The following STK32B variants were observed in gnomAD, a reference collection of about 807,000 sequenced individuals.
The protein encoded by STK32B is serine/threonine kinase 32B, also known as serine/threonine-protein kinase 32B.
Under a neutral mutation model 52.6 loss-of-function variants are expected in STK32B, and 43 were observed. That is an observed-to-expected ratio of 0.82 (90% CI 0.64 to 1.05). The LOEUF is 1.05. Among genes scored for constraint, STK32B ranks in the 50% least tolerant of loss-of-function variants. The probability of loss-of-function intolerance (pLI) is 0.00; values close to 1 mark genes in which losing one functional copy is unlikely to be tolerated. For synonymous variants in STK32B, 238 were observed against 204.3 expected, an observed-to-expected ratio of 1.17 and a Z score of -1.41; for missense variants, 621 against 534.6, an observed-to-expected ratio of 1.16 and a Z score of -1.59.
At chr4:5,102,428 C>T (rs111612022) in intron 1 of STK32B, among the ~76,000 whole-genome samples, 66 of 147,742 alleles carry the variant, frequency 4.5e-4, no homozygotes, top group African/African-American at 1.5e-3. Context: ...TCCTTCTTCT[C>T]CTTCCTTGCT....
At position 5,406,235 on chromosome 4, in the gene STK32B, G is replaced by C. The variant is rs372638053; in HGVS notation, c.472+7991G>C. ...TCCAGGCCACACTGATGCAAGGGGT[G>C]GGTTCCCAAGGCCTTGGGCATCTCT... On this transcript the variant is annotated intron_variant, in intron 5 of 11. Transcript: ENST00000282908. Among the ~76,000 whole-genome samples the C allele has an allele frequency of 3.9e-5, 6 of 152,314 alleles. No homozygotes were observed. The South Asian group carries it at 1.2e-3, about 32-fold the overall frequency.
the STK32B span, among the ~76,000 whole-genome samples, chr4:5,041,542 T>C: frequency 6.6e-6 from 1 of 152,114 alleles, no homozygotes; most frequent in Non-Finnish European, 1.5e-5. Flanking sequence ...TTCCCAACTA[T>C]GAAAATGCCT....
intron 1 of STK32B, among the ~76,000 whole-genome samples, chr4:5,071,064 A>G (rs970323508): frequency 2.6e-5 from 4 of 152,196 alleles, no homozygotes; most frequent in African/African-American, 9.6e-5. Context: ...TCCTGAGTGC[A>G]GAATGCTGTA....
chr4:5,328,640 G>C (rs1732026876), intron 3 of STK32B, among the ~76,000 whole-genome samples: 1 of 152,164 alleles, frequency 6.6e-6, no homozygotes, highest in Non-Finnish European at 1.5e-5. Flanking sequence ...ATTTATCATA[G>C]ATCACTATAG....
chr4:5,457,276 C>T (rs550765638), intron 8 of STK32B, among the ~76,000 whole-genome samples: 3 of 142,874 alleles, frequency 2.1e-5, no homozygotes, highest in Non-Finnish European at 3.0e-5. Context: ...AGTGCAGTGG[C>T]GCAGTCTCGA....
chr4:5,271,216 T>C (rs1359650774), intron 3 of STK32B, among the ~76,000 whole-genome samples: 3 of 152,150 alleles, frequency 2.0e-5, no homozygotes, highest in African/African-American at 7.2e-5. Flanking sequence ...GATTAACAGG[T>C]GTGAGTCACT....
intron 1 of STK32B, among the ~76,000 whole-genome samples, chr4:5,108,413 G>A (rs6833812): frequency 0.21 from 31,801 of 152,064 alleles, 3,325 homozygotes; most frequent in South Asian, 0.24. Flanking sequence ...CCCAGTCTTG[G>A]TTGGCGCTGT....
chr4:5,458,493 A>G (rs564808456), intron 8 of STK32B: 1 of 152,368 alleles, frequency 6.6e-6, no homozygotes, highest in East Asian at 1.9e-4. Context: ...TCATTCAACC[A>G]ATGCCACAGA....
intron 3 of STK32B, among the ~76,000 whole-genome samples, chr4:5,276,435 G>A (rs1436206117): frequency 6.6e-6 from 1 of 152,132 alleles, no homozygotes; most frequent in Middle Eastern, 3.2e-3. Flanking sequence ...CCATGGAAGG[G>A]TTTCATTCTA....
intron 1 of STK32B, among the ~76,000 whole-genome samples, chr4:5,094,153 C>A (rs184898390): frequency 1.8e-4 from 28 of 151,934 alleles, no homozygotes; most frequent in Non-Finnish European, 2.8e-4. Flanking sequence ...GAAGGCATAC[C>A]CATAGAGTGT....
rs979774019 is a variant in STK32B at position 5,460,482 on chromosome 4, G to A, written c.909+254G>A. On this transcript the variant is annotated intron_variant, in intron 9 of 11. Transcript: ENST00000282908. This position sits in a 1 kb window ranked among gnomAD's most constrained non-coding sequence, Gnocchi z 4.8. ...TCTCTGTCACTGAATCCCACCTCCAGGTGCTCAGGTCCAGGTGTGGGGATA... is the reference window on the plus strand; with the variant it reads ...TCTCTGTCACTGAATCCCACCTCCAAGTGCTCAGGTCCAGGTGTGGGGATA... Among the ~76,000 whole-genome samples the A allele has an allele frequency of 6.6e-6, 1 of 152,196 alleles. No individual in the cohort carries two copies. The highest frequency in any genetic ancestry group is 1.5e-5 in the Non-Finnish European group (1 of 68,038).
chr4:5,315,071 C>T (rs774981373), intron 3 of STK32B, among the ~76,000 whole-genome samples: 9 of 152,210 alleles, frequency 5.9e-5, no homozygotes, highest in Middle Eastern at 3.4e-3. Flanking sequence ...TTGCAAACCA[C>T]ATATTTGACA....
intron 3 of STK32B, among the ~76,000 whole-genome samples, chr4:5,315,237 A>G (rs992573298): frequency 2.6e-5 from 4 of 151,926 alleles, no homozygotes; most frequent in Non-Finnish European, 5.9e-5. Flanking sequence ...CTTCTCCATT[A>G]GTGAAATGCA....
chr4:5,442,151 G>T (rs1714843474), intron 6 of STK32B, among the ~76,000 whole-genome samples: 1 of 121,084 alleles, frequency 8.3e-6, no homozygotes, highest in Non-Finnish European at 1.7e-5. Flanking sequence ...TCAATTCCTG[G>T]GTATCCTTGT....
chr4:5,309,833 A>G (rs1426009406), intron 3 of STK32B, among the ~76,000 whole-genome samples: 2 of 152,176 alleles, frequency 1.3e-5, no homozygotes, highest in Non-Finnish European at 2.9e-5. Flanking sequence ...AACGATTTTT[A>G]TGGAGAGGAT....
chr4:5,368,859 T>C (rs1735044167), intron 4 of STK32B, among the ~76,000 whole-genome samples: 1 of 152,200 alleles, frequency 6.6e-6, no homozygotes, highest in South Asian at 2.1e-4. Flanking sequence ...ATCCTTGCCA[T>C]GCCAGATGCT....
chr4:5,128,242 G>T lies in STK32B; in HGVS notation c.53-11663G>T, dbSNP rs532793911. The stretch of plus-strand genomic sequence containing the variant: ...AGGCAATGAATTTCTGTTGTTTTAA[G>T]CCATGTAATTGGTGGTAGCTTGTTA... On this transcript the variant is annotated intron_variant, in intron 1 of 11. Coordinates refer to ENST00000282908, the MANE Select transcript of STK32B (RefSeq NM_018401.3). 5.3e-5 allele frequency among the ~76,000 whole-genome samples: 8 copies of T among 152,298 alleles called. No individual in the cohort carries two copies. The South Asian group carries it at 1.7e-3, about 32-fold the overall frequency.
chr4:5,482,695 CCT>C (rs1718819836), intron 11 of STK32B, among the ~76,000 whole-genome samples: 2 of 152,034 alleles, frequency 1.3e-5, no homozygotes, highest in African/African-American at 4.8e-5. Context: ...CCAGTTTTTC[CCT>C]ATTCAGTATG....
At chr4:5,425,731 A>G (rs1713036238) in intron 6 of STK32B, among the ~76,000 whole-genome samples, 1 of 152,188 alleles carries the variant, frequency 6.6e-6, no homozygotes, top group South Asian at 2.1e-4. Context: ...ACATACAGTC[A>G]TAGATAAACA....
Sources: gnomAD v4.1 joint callset for allele counts (sites outside exome capture counted in the v4.1 genomes callset) on GRCh38, gnomAD v4.1.1 for gene constraint, Gnocchi (gnomAD v3.1) non-coding constraint, MANE v1.5 for transcripts, NCBI Gene and HGNC (gene_info 2026-07-23, HGNC 2026-07-21) for gene names.